Variants in RSPO2 observed in about 807,000 individuals in gnomAD.
RSPO2 encodes R-spondin 2.
RSPO2 carries 14 observed loss-of-function variants against 30.9 expected under a neutral mutation model. The observed-to-expected ratio is 0.45, with a 90% CI of 0.30 to 0.71. RSPO2 has a LOEUF of 0.71. RSPO2 is among the 30% of genes least tolerant of loss of function. The pLI is 0.08. For synonymous variants in RSPO2, 107 were observed against 96.4 expected (o/e 1.11, Z -0.64); for missense variants, 264 against 301.9 (o/e 0.87, Z 0.93).
intron 5 of RSPO2, among the ~76,000 whole-genome samples, chr8:107,936,461 G>GT (rs1377486554): frequency 2.0e-5 from 3 of 151,978 alleles, no homozygotes; most frequent in Non-Finnish European, 2.9e-5. Context: ...TTGTTATTCT[G>GT]TTTTTTCTTT....
intron 2 of RSPO2, among the ~76,000 whole-genome samples, chr8:108,078,760 C>T (rs540717143): frequency 3.9e-5 from 6 of 152,154 alleles, no homozygotes; most frequent in East Asian, 1.9e-4. Context: ...GAAAAGGCTA[C>T]GGAAAGAAAC....
chr8:108,027,597 T>C (rs912473812), intron 2 of RSPO2, among the ~76,000 whole-genome samples: 7 of 152,206 alleles, frequency 4.6e-5, no homozygotes, highest in African/African-American at 1.4e-4. Flanking sequence ...AGTTCAATTA[T>C]AGAACTATTC....
chr8:107,978,312 A>G (rs1814285826), intron 3 of RSPO2, among the ~76,000 whole-genome samples: 1 of 152,112 alleles, frequency 6.6e-6, no homozygotes, highest in South Asian at 2.1e-4. Context: ...CTGTAATCCC[A>G]GCTACTTGGG....
At chr8:107,952,678 GA>G (rs1463852925) in intron 5 of RSPO2, among the ~76,000 whole-genome samples, 1 of 152,116 alleles carries the variant, frequency 6.6e-6, no homozygotes, top group Non-Finnish European at 1.5e-5. Context: ...CTGTCCCATT[GA>G]AAAATATGCT....
chr8:107,989,374 C>G, intron 2 of RSPO2, 130 bp from the exon 3 acceptor site: 1 of 605,466 alleles, frequency 1.7e-6, no homozygotes, highest in Non-Finnish European at 2.7e-6. Flanking sequence ...ATAAAATATC[C>G]CTCCCCTTCT....
intron 3 of RSPO2, among the ~76,000 whole-genome samples, chr8:107,978,822 A>G (rs1334430372): frequency 3.3e-5 from 5 of 152,214 alleles, no homozygotes; most frequent in Admixed American, 3.3e-4. Flanking sequence ...ATGAACTCAA[A>G]CAAATTTACC....
intron 2 of RSPO2, among the ~76,000 whole-genome samples, chr8:108,062,232 A>C (rs1167694751): frequency 1.3e-5 from 2 of 151,886 alleles, no homozygotes; most frequent in East Asian, 3.8e-4. Context: ...CTTCAAAAAA[A>C]TCAATGAATC....
rs531814255 is a variant in RSPO2 at position 108,025,657 on chromosome 8, C to G, written c.95-36413G>C. ...CCTCCCACCTCAGCCTCCCACATAG[C>G]TGAGACTATGGATGCACCCCACCAC... On this transcript the variant is annotated intron_variant, in intron 2 of 5. Transcript: ENST00000276659. Among the ~76,000 whole-genome samples the G allele has an allele frequency of 5.3e-5, 8 of 152,146 alleles. No individual in the cohort carries two copies. The South Asian group carries it at 1.2e-3, about 24-fold the overall frequency.
intron 1 of RSPO2, 98 bp downstream of exon 1, chr8:108,083,099 G>C (rs184685343): frequency 1.3e-5 from 2 of 158,290 alleles, no homozygotes; most frequent in Admixed American, 1.3e-4. Flanking sequence ...TAAAGGCACT[G>C]AGAGCGCAGG....
intron 2 of RSPO2, among the ~76,000 whole-genome samples, chr8:107,998,435 A>G (rs1197424594): frequency 2.6e-5 from 4 of 152,202 alleles, no homozygotes; most frequent in Non-Finnish European, 5.9e-5. Context: ...TTTGACCAAA[A>G]TGGAAAATGC....
chr8:107,905,579 G>A lies in RSPO2; in HGVS notation c.617-4389C>T, dbSNP rs562951345. On this transcript the variant is annotated intron_variant, in intron 5 of 5. Transcript: ENST00000276659. Reference sequence around the variant, plus strand: ...TCACTGAATTATAAAATTCATCATGGAGATTTCGAAATCACCTCAGAGAGA... The same window carrying A: ...TCACTGAATTATAAAATTCATCATGAAGATTTCGAAATCACCTCAGAGAGA... Among the ~76,000 whole-genome samples, 13 of 152,060 alleles carry A rather than the reference G, an allele frequency of 8.5e-5. No individual in the cohort carries two copies. The South Asian group carries it at 2.7e-3, about 31-fold the overall frequency.
At chr8:108,043,902 TAA>T (rs1811832228) in intron 2 of RSPO2, among the ~76,000 whole-genome samples, 1 of 152,158 alleles carries the variant, frequency 6.6e-6, no homozygotes, top group East Asian at 1.9e-4. Context: ...GCTTTAGAAA[TAA>T]GTTTTTAAAA....
intron 5 of RSPO2, among the ~76,000 whole-genome samples, chr8:107,925,766 G>A (rs906994776): frequency 6.6e-6 from 1 of 152,104 alleles, no homozygotes; most frequent in Admixed American, 6.6e-5. Flanking sequence ...AGTATTCCAT[G>A]GTGCATATGT....
chr8:107,934,030 G>A (rs138717004), intron 5 of RSPO2, among the ~76,000 whole-genome samples: 77 of 152,308 alleles, frequency 5.1e-4, no homozygotes, highest in Middle Eastern at 3.4e-3. Flanking sequence ...GTAAAGAAAT[G>A]AAGGAGGAAT....
chr8:108,057,079 AAAAAAAAAAAAAAG>A, intron 2 of RSPO2, among the ~76,000 whole-genome samples: 1 of 145,184 alleles, frequency 6.9e-6, no homozygotes. Context: ...AAAAAAAAAA[AAAAAAAAAAAAAAG>A]ACGTATAAAA....
intron 5 of RSPO2, among the ~76,000 whole-genome samples, chr8:107,920,350 G>A (rs916120613): frequency 3.3e-5 from 5 of 152,088 alleles, no homozygotes; most frequent in Admixed American, 6.6e-5. Flanking sequence ...ACTTGTTAGA[G>A]CTTATAAATT....
chr8:108,072,630 G>A (rs988637561), intron 2 of RSPO2, among the ~76,000 whole-genome samples: 12 of 151,540 alleles, frequency 7.9e-5, no homozygotes, highest in South Asian at 6.3e-4. Flanking sequence ...AAGCCACCGC[G>A]CCCGGCCGAT....
intron 3 of RSPO2, among the ~76,000 whole-genome samples, chr8:107,963,614 G>C (rs1267873080): frequency 6.7e-6 from 1 of 150,096 alleles, no homozygotes; most frequent in East Asian, 2.0e-4. Flanking sequence ...TGTGTTCATG[G>C]GTATGAAGTA....
intron 3 of RSPO2, among the ~76,000 whole-genome samples, chr8:107,971,253 T>C (rs1176184307): frequency 6.6e-6 from 1 of 152,130 alleles, no homozygotes; most frequent in Non-Finnish European, 1.5e-5. Flanking sequence ...GCTTGAAAAA[T>C]ACAATTACCT....
Sources: gnomAD v4.1 joint callset for allele counts (sites outside exome capture counted in the v4.1 genomes callset) on GRCh38, gnomAD v4.1.1 for gene constraint, MANE v1.5 for transcripts, NCBI Gene and HGNC (gene_info 2026-07-23, HGNC 2026-07-21) for gene names.